Variants in CR2 observed in about 807,000 individuals in gnomAD.
The protein encoded by CR2 is complement C3d receptor 2, also known as complement receptor type 2.
In CR2, 96 loss-of-function variants were observed where a neutral mutation model predicts 123.0. The ratio of observed to expected loss-of-function variants is 0.78; its 90% confidence interval spans 0.66 to 0.93. The LOEUF (loss-of-function observed/expected upper bound fraction) is 0.93, where lower values mean the gene tolerates loss of function less well. Ranked by LOEUF, CR2 falls within the 40% of genes least tolerant of loss-of-function variation. CR2 has a pLI of 0.00. For missense variants in CR2, 1,258 were observed against 1,361.0 expected (o/e 0.92, Z 1.19); for synonymous variants, 484 against 469.5 (o/e 1.03, Z -0.40).
Position 207,474,331 on chromosome 1 carries a change from A to T in CR2, c.2323+8A>T. The T allele has an allele frequency of 6.3e-7, 1 of 1,593,642 alleles. No individual in the cohort carries two copies. Among genetic ancestry groups the T allele is most frequent in the South Asian group, 1.1e-5 (1 of 90,602 alleles). The stretch of plus-strand genomic sequence containing the variant: ...AGATTCCACTTTGTAAAGGTAAGTT[A>T]GAAAAAATAAAAGCCTGACAATGGT... On this transcript the variant is annotated splice_region_variant and intron_variant, in intron 13 of 19. Coordinates refer to ENST00000367057, the MANE Select transcript of CR2 (RefSeq NM_001006658.3).
At chr1:207,457,860 A>G (rs12139795) in intron 1 of CR2, among the ~76,000 whole-genome samples, 27,370 of 151,820 alleles carry the variant, frequency 0.18, 2,487 homozygotes, top group Middle Eastern at 0.26. Context: ...TCTTCTTCCT[A>G]AAAAACCTCA....
At position 207,476,412 on chromosome 1, in the gene CR2, T is replaced by C; in HGVS notation, c.2895T>C (p.His965=). Residue 965 remains histidine, a synonymous_variant, in exon 15 of 20, where the codon CAT becomes CAC. Coordinates refer to ENST00000367057, the MANE Select transcript of CR2 (RefSeq NM_001006658.3). ...HEGTWSQPAP[H]CKEVNCSSPA... ...GAACCTGGAGCCAACCTGCCCCTCATTGTAAAGGTGCTTTGTCTATTTTTT... is the reference window on the plus strand; with the variant it reads ...GAACCTGGAGCCAACCTGCCCCTCACTGTAAAGGTGCTTTGTCTATTTTTT... 6.2e-7 allele frequency: 1 copy of C among 1,613,334 alleles called. No individual in the cohort carries two copies. The highest frequency in any genetic ancestry group is 1.3e-5 in the African/African-American group (1 of 75,014).
At chr1:207,468,320 C>G in intron 2 of CR2, 2 of 594,176 alleles carry the variant, frequency 3.4e-6, no homozygotes, top group South Asian at 4.1e-5. Context: ...AATTCATAAA[C>G]TTTCTTAAAC....
At position 207,476,299 on chromosome 1, in the gene CR2, C is replaced by T. The variant is rs1240955840; in HGVS notation, c.2782C>T (p.Arg928Ter). ...NGNHTGGNIARFSPGMSILYS... is the reference protein window; with the variant it reads ...NGNHTGGNIA ...GAACCATACTGGTGGAAACATAGCT[C>T]GATTTTCTCCTGGAATGTCAATCCT... is the stretch of plus-strand genomic sequence containing the variant. The change falls in exon 15 of 20, where the codon CGA (arginine) becomes TGA (stop). Residue 928 changes from arginine (R) to a stop codon, truncating the protein, a stop_gained. Transcript: ENST00000367057. LOFTEE classifies it high-confidence loss of function. The T allele has an allele frequency of 2.5e-6, 4 of 1,613,888 alleles. No homozygotes were observed. The highest frequency in any genetic ancestry group is 1.7e-5 in the Admixed American group (1 of 59,990).
intron 1 of CR2, among the ~76,000 whole-genome samples, chr1:207,460,207 T>C (rs1657932659): frequency 6.6e-6 from 1 of 152,230 alleles, no homozygotes; most frequent in African/African-American, 2.4e-5. Flanking sequence ...CAAACCCTGA[T>C]ATTCCTTATA....
intron 1 of CR2, among the ~76,000 whole-genome samples, chr1:207,459,946 C>T (rs941012939): frequency 3.3e-5 from 5 of 152,162 alleles, no homozygotes; most frequent in African/African-American, 1.2e-4. Context: ...AAGTGTGATC[C>T]GTATCTCCTT....
chr1:207,470,608 G>T (rs913862417), intron 6 of CR2, 132 bp from the exon 7 acceptor site: 2 of 852,482 alleles, frequency 2.3e-6, no homozygotes, highest in East Asian at 2.6e-5. Flanking sequence ...AAGCTGGTCT[G>T]CAACATATGT....
chr1:207,474,213 A>C, intron 12 of CR2, 28 bp from the exon 13 acceptor site: 1 of 1,513,174 alleles, frequency 6.6e-7, no homozygotes, highest in Non-Finnish European at 9.2e-7. Context: ...TGGGAACAGG[A>C]AATGCATTAT....
chr1:207,460,214 T>A (rs1012777298), intron 1 of CR2, among the ~76,000 whole-genome samples: 2 of 152,214 alleles, frequency 1.3e-5, no homozygotes, highest in African/African-American at 4.8e-5. Context: ...TGATATTCCT[T>A]ATAGAATCTT....
Position 207,474,995 on chromosome 1 carries a change from G to C in CR2, c.2495G>C (p.Ser832Thr). ...GATTCTAAAGGACATGGATCTTGGA[G>C]CGGGCCTTCCCCACAGTGCTTACGA... is the stretch of plus-strand genomic sequence containing the variant. ...RSDSKGHGSWSGPSPQCLRSP... is the reference protein window; with the variant it reads ...RSDSKGHGSWTGPSPQCLRSP... Residue 832 changes from serine (S) to threonine (T), a missense_variant, in exon 14 of 20, where the codon AGC (serine) becomes ACC (threonine). By Grantham distance (58) the Ser-to-Thr change is moderately conservative (BLOSUM62 1). Transcript: ENST00000367057. 6.2e-7 allele frequency: 1 copy of C among 1,614,136 alleles called. No homozygotes were observed. The highest frequency in any genetic ancestry group is 8.5e-7 in the Non-Finnish European group (1 of 1,179,994).
intron 2 of CR2, chr1:207,468,195 TC>T (rs1658156961): frequency 2.7e-6 from 1 of 370,614 alleles, no homozygotes; most frequent in Non-Finnish European, 5.0e-6. Flanking sequence ...CTACCATAGA[TC>T]ATGTGTCATT....
At position 207,454,850 on chromosome 1, in the gene CR2, C is replaced by G. The variant is rs1160352703; in HGVS notation, c.58+374C>G. 6 of 221,300 alleles carry G rather than the reference C, an allele frequency of 2.7e-5. No homozygotes were observed. The allele number at this position is 221,300 out of a possible 1,614,324, so 13.7% of individuals were successfully genotyped here. ...TACCGCTCGCCACGGGAAACCTACCCACTGCATGAGGCACCAGCTAGCCAC... is the reference window on the plus strand; with the variant it reads ...TACCGCTCGCCACGGGAAACCTACCGACTGCATGAGGCACCAGCTAGCCAC... On this transcript the variant is annotated intron_variant, in intron 1 of 19. Coordinates refer to ENST00000367057, the MANE Select transcript of CR2 (RefSeq NM_001006658.3). This position sits in a 1 kb window ranked among gnomAD's most constrained non-coding sequence, Gnocchi z 4.3.
At chr1:207,466,025 A>C (rs1270387547) in intron 1 of CR2, among the ~76,000 whole-genome samples, 1 of 152,208 alleles carries the variant, frequency 6.6e-6, no homozygotes, top group East Asian at 1.9e-4. Context: ...TACTTTTAGC[A>C]CTGGATTCTC....
At chr1:207,467,101 A>T (rs932087719) in intron 2 of CR2, among the ~76,000 whole-genome samples, 189 bp downstream of exon 2, 1 of 152,208 alleles carries the variant, frequency 6.6e-6, no homozygotes, top group Non-Finnish European at 1.5e-5. Flanking sequence ...AAAAAACATC[A>T]ATTGAGCAAA....
At chr1:207,456,134 C>T (rs1392714248) in intron 1 of CR2, among the ~76,000 whole-genome samples, 1 of 152,192 alleles carries the variant, frequency 6.6e-6, no homozygotes, top group African/African-American at 2.4e-5. Context: ...GGAAGAAAAT[C>T]TGGTGTCTTC....
intron 18 of CR2, among the ~76,000 whole-genome samples, chr1:207,481,501 T>C (rs1056814408): frequency 6.6e-6 from 1 of 152,142 alleles, no homozygotes; most frequent in Non-Finnish European, 1.5e-5. Context: ...AATTTTCTTC[T>C]ATTTATTTTT....
intron 8 of CR2, 24 bp downstream of exon 8, chr1:207,471,111 G>T: frequency 1.2e-6 from 2 of 1,608,866 alleles, no homozygotes; most frequent in South Asian, 2.2e-5. Flanking sequence ...GACTTAGTCT[G>T]ACCCAATTCC....
rs746585719 is a variant in CR2 at position 207,479,962 on chromosome 1, T to C, written c.3113-16T>C. 4 of 1,602,300 alleles carry C rather than the reference T, an allele frequency of 2.5e-6. No homozygotes were observed. The highest frequency in any genetic ancestry group is 2.6e-6 in the Non-Finnish European group (3 of 1,169,476). On this transcript the variant is annotated splice_polypyrimidine_tract_variant and intron_variant, in intron 17 of 19. Coordinates refer to ENST00000367057, the MANE Select transcript of CR2 (RefSeq NM_001006658.3). ...TCGTCTTCTGGCATTTGATACTTGC[T>C]GGATTTTTCTTCTAGGTATTGCTGC... is the stretch of plus-strand genomic sequence containing the variant.
At chr1:207,475,706 G>A (rs1658417218) in intron 14 of CR2, among the ~76,000 whole-genome samples, 1 of 152,176 alleles carries the variant, frequency 6.6e-6, no homozygotes, top group South Asian at 2.1e-4. Context: ...GAGGCTGTTT[G>A]GCAACGGTTG....
Sources: gnomAD v4.1 joint callset for allele counts (sites outside exome capture counted in the v4.1 genomes callset) on GRCh38, gnomAD v4.1.1 for gene constraint, Gnocchi (gnomAD v3.1) non-coding constraint, MANE v1.5 for transcripts, NCBI Gene and HGNC (gene_info 2026-07-23, HGNC 2026-07-21) for gene names.